KIF1B: variants seen among roughly 807,000 people sequenced by gnomAD.
KIF1B encodes kinesin-like protein KIF1B.
In KIF1B, 76 loss-of-function variants were observed where a neutral mutation model predicts 241.9. That is an observed-to-expected ratio of 0.31 (90% confidence interval 0.26 to 0.38). The LOEUF (loss-of-function observed/expected upper bound fraction) is 0.38. Among genes scored for constraint, KIF1B ranks in the 10% least tolerant of loss-of-function variants. KIF1B has a pLI of 1.00. For synonymous variants in KIF1B, 750 were observed against 796.7 expected, an observed-to-expected ratio of 0.94 and a Z score of 0.99; for missense variants, 1,622 against 2,271.4, an observed-to-expected ratio of 0.71 and a Z score of 5.81.
chr1:10,363,555 T>C (rs1638483312), intron 41 of KIF1B, among the ~76,000 whole-genome samples: 1 of 151,990 alleles, frequency 6.6e-6, no homozygotes, highest in Admixed American at 6.6e-5. Flanking sequence ...TAGCCAGGTG[T>C]GGTGGCGCGT....
intron 10 of KIF1B, among the ~76,000 whole-genome samples, chr1:10,275,160 C>A (rs1194981042): frequency 2.6e-5 from 4 of 152,168 alleles, no homozygotes; most frequent in Non-Finnish European, 5.9e-5. Context: ...ATGGTTGAAG[C>A]TGCACGTTGG....
At chr1:10,283,535 G>A (rs1649538630) in intron 15 of KIF1B, among the ~76,000 whole-genome samples, 1 of 152,246 alleles carries the variant, frequency 6.6e-6, no homozygotes, top group Non-Finnish European at 1.5e-5. Flanking sequence ...CTGACTCATA[G>A]CTGCTTCTCT....
At chr1:10,281,444 A>C (rs1649401122) in intron 14 of KIF1B, among the ~76,000 whole-genome samples, 1 of 152,180 alleles carries the variant, frequency 6.6e-6, no homozygotes, top group South Asian at 2.1e-4. Flanking sequence ...CAAAATTAAC[A>C]GTTCTATTAA....
chr1:10,298,683 C>G (rs1390023425), intron 22 of KIF1B, among the ~76,000 whole-genome samples: 1 of 152,038 alleles, frequency 6.6e-6, no homozygotes. Context: ...TGTGAGAGAT[C>G]AAATGAGGAC....
rs1638908916 is a variant in KIF1B, at chr1:10,377,002, A to T, written c.*415A>T. On this transcript the variant is annotated 3_prime_UTR_variant, in exon 49 of 49. Coordinates refer to ENST00000676179, the MANE Select transcript of KIF1B (RefSeq NM_001365951.3). ...GATGTCTGTGCTGCTGTCACCAGGC[A>T]CCTTTGTTTTTCAAGACAACATACT... is the stretch of plus-strand genomic sequence containing the variant. 1 of 261,236 alleles carries T rather than the reference A, an allele frequency of 3.8e-6. No homozygotes were observed. Among genetic ancestry groups the T allele is most frequent in the Non-Finnish European group, 7.5e-6 (1 of 132,748 alleles). 16.2% of individuals were successfully genotyped at this position (261,236 alleles called of 1,614,324 possible). A position where few individuals can be genotyped will look rare whatever the true frequency, so the allele number is the denominator to read the frequency against.
chr1:10,367,031 A>G (rs1347627556), intron 43 of KIF1B, among the ~76,000 whole-genome samples: 7 of 152,150 alleles, frequency 4.6e-5, no homozygotes, highest in Non-Finnish European at 1.0e-4. Context: ...GAAGAGATAC[A>G]CTGAGGAAGG....
In KIF1B at chr1:10,324,037, C is replaced by T; in HGVS notation, c.2512C>T (p.His838Tyr). Residue 838 changes from histidine (H) to tyrosine (Y), a missense_variant, in exon 25 of 49, where the codon CAC becomes TAC. Coordinates refer to ENST00000676179, the MANE Select transcript of KIF1B (RefSeq NM_001365951.3). Reference sequence around the variant, plus strand: ...CCAGGATTTGAAGAATGGAGCAACACACTATTGGTCTTTGGAGAAACTCAA... The same window carrying T: ...CCAGGATTTGAAGAATGGAGCAACATACTATTGGTCTTTGGAGAAACTCAA... ...EVQDLKNGAT[H>Y]YWSLEKLKQR... The T allele has an allele frequency of 1.2e-6, 2 of 1,614,122 alleles. No homozygotes were observed. Among genetic ancestry groups the T allele is most frequent in the South Asian group, 2.2e-5 (2 of 91,086 alleles).
At chr1:10,279,725 T>C (rs928447763) in intron 14 of KIF1B, among the ~76,000 whole-genome samples, 4 of 121,640 alleles carry the variant, frequency 3.3e-5, no homozygotes, top group Non-Finnish European at 6.5e-5. Flanking sequence ...TTAGACAGTC[T>C]CACTCTTGTC....
intron 5 of KIF1B, among the ~76,000 whole-genome samples, chr1:10,263,096 A>G (rs1359950356): frequency 6.6e-6 from 1 of 152,012 alleles, no homozygotes; most frequent in East Asian, 1.9e-4. Context: ...CAGCGTGGCC[A>G]ACCTGGCAAA....
Position 10,365,384 on chromosome 1 carries a change from A to C in KIF1B, c.4513-25A>C, listed in dbSNP as rs761817596. On this transcript the variant is annotated intron_variant, in intron 42 of 48. Transcript: ENST00000676179. The surrounding 1 kb of genome is among the most constrained non-coding windows in gnomAD (Gnocchi z 4.0). ...GGTCTTAACGAGCTTTGTGTTTGCT[A>C]TAGCAGTAGTATTGATCTTCTCAGG... is the stretch of plus-strand genomic sequence containing the variant. 6.2e-7 allele frequency: 1 copy of C among 1,614,138 alleles called. No individual in the cohort carries two copies. The highest frequency in any genetic ancestry group is 8.5e-7 in the Non-Finnish European group (1 of 1,180,036).
chr1:10,377,635 A>T lies in KIF1B; in HGVS notation c.*1048A>T, dbSNP rs1638922773. On this transcript the variant is annotated 3_prime_UTR_variant, in exon 49 of 49. Coordinates refer to ENST00000676179, the MANE Select transcript of KIF1B (RefSeq NM_001365951.3). Reference sequence around the variant, plus strand: ...GGTGATAAACTTGATGGTCATTGTTATGATTAAGATAATGCCGGGCAGGCC... The same window carrying T: ...GGTGATAAACTTGATGGTCATTGTTTTGATTAAGATAATGCCGGGCAGGCC... The T allele has an allele frequency of 4.9e-6, 1 of 204,492 alleles. No individual in the cohort carries two copies. Among genetic ancestry groups the T allele is most frequent in the Non-Finnish European group, 1.0e-5 (1 of 100,044 alleles). The allele number at this position is 204,492 out of a possible 1,614,324, so 12.7% of individuals were successfully genotyped here.
Position 10,295,771 on chromosome 1 carries a change from G to C in KIF1B, c.1777+5G>C. ...AGAGAAGCAACAGCGGGGAAGGTGA[G>C]CATTCCTGGCTGGAGCTTCAGCAAC... is the stretch of plus-strand genomic sequence containing the variant. On this transcript the variant is annotated splice_donor_5th_base_variant and intron_variant, in intron 19 of 48. Coordinates refer to ENST00000676179, the MANE Select transcript of KIF1B (RefSeq NM_001365951.3). The C allele has an allele frequency of 3.1e-6, 5 of 1,607,546 alleles. 1 individual carries two copies. The South Asian group carries it at 5.5e-5, about 18-fold the overall frequency.
intron 22 of KIF1B, among the ~76,000 whole-genome samples, chr1:10,297,689 C>A (rs1348417287): frequency 6.6e-6 from 1 of 151,488 alleles, no homozygotes; most frequent in African/African-American, 2.4e-5. Flanking sequence ...ATTGTTCTTA[C>A]GCTGGGCAGA....
chr1:10,223,025 A>G (rs911180136), intron 1 of KIF1B, among the ~76,000 whole-genome samples: 1 of 152,202 alleles, frequency 6.6e-6, no homozygotes. Flanking sequence ...AGGCCGAGGC[A>G]GGCGGGTCAC....
rs554774798 is a variant in KIF1B at position 10,236,384 on chromosome 1, T to C, written c.106+3950T>C. ...TATTAGTGGCAGTGTTAGGACTAGATAATGGTACTCCTACCCTCAGCTGAT... is the reference window on the plus strand; with the variant it reads ...TATTAGTGGCAGTGTTAGGACTAGACAATGGTACTCCTACCCTCAGCTGAT... On this transcript the variant is annotated intron_variant, in intron 2 of 48. Coordinates refer to ENST00000676179, the MANE Select transcript of KIF1B (RefSeq NM_001365951.3). 2.6e-5 allele frequency among the ~76,000 whole-genome samples: 4 copies of C among 152,334 alleles called. No individual in the cohort carries two copies. In the South Asian group the frequency reaches 8.3e-4, roughly 32 times the overall value.
chr1:10,238,346 A>G (rs1220425607), intron 2 of KIF1B, among the ~76,000 whole-genome samples: 3 of 140,620 alleles, frequency 2.1e-5, no homozygotes, highest in Admixed American at 7.9e-5. Context: ...GAGCCGTTGC[A>G]CTCCATCCTG....
At position 10,365,085 on chromosome 1, in the gene KIF1B, T is replaced by C. The variant is rs2102349800; in HGVS notation, c.4367-15T>C. 6.2e-7 allele frequency: 1 copy of C among 1,613,236 alleles called. No homozygotes were observed. The highest frequency in any genetic ancestry group is 8.5e-7 in the Non-Finnish European group (1 of 1,179,422). On this transcript the variant is annotated splice_polypyrimidine_tract_variant and intron_variant, in intron 41 of 48. Transcript: ENST00000676179. This position sits in a 1 kb window ranked among gnomAD's most constrained non-coding sequence, Gnocchi z 4.0. ...TTTTTTTTCTGAAACAAAAACTTGT[T>C]TCCTCTTGTCTTAGGTATGCAGAGA...
chr1:10,262,142 C>CT (rs1404924028), intron 5 of KIF1B, among the ~76,000 whole-genome samples, 172 bp downstream of exon 5: 2 of 151,784 alleles, frequency 1.3e-5, no homozygotes, highest in African/African-American at 2.4e-5. Flanking sequence ...CTGCTTTAAT[C>CT]TTTTTTTTGG....
chr1:10,272,926 A>G (rs1397876036), intron 9 of KIF1B, 88 bp from the exon 10 acceptor site: 5 of 1,084,384 alleles, frequency 4.6e-6, no homozygotes, highest in South Asian at 2.9e-5. Flanking sequence ...ATCATAATCT[A>G]TGACATGAAA....
Sources: gnomAD v4.1 joint callset for allele counts (sites outside exome capture counted in the v4.1 genomes callset) on GRCh38, gnomAD v4.1.1 for gene constraint, Gnocchi (gnomAD v3.1) non-coding constraint, MANE v1.5 for transcripts, NCBI Gene and HGNC (gene_info 2026-07-23, HGNC 2026-07-21) for gene names.